STRIP2: variants seen among roughly 807,000 people sequenced by gnomAD.
The protein encoded by STRIP2 is striatin-interacting protein 2.
Under a neutral mutation model 107.1 loss-of-function variants are expected in STRIP2, and 84 were observed. The observed-to-expected ratio is 0.78, with a 90% CI of 0.66 to 0.94. STRIP2 has a LOEUF of 0.94. Ranked by LOEUF, STRIP2 falls within the 40% of genes least tolerant of loss-of-function variation. The probability of loss-of-function intolerance (pLI) is 0.00; values close to 1 mark genes in which losing one functional copy is unlikely to be tolerated. For missense variants in STRIP2, 888 were observed against 1,034.2 expected (o/e 0.86, Z 1.94); for synonymous variants, 394 against 400.4 (o/e 0.98, Z 0.19).
Position 129,483,454 on chromosome 7 carries a change from G to T in STRIP2, c.2254+408G>T, listed in dbSNP as rs1196881326. The T allele has an allele frequency of 6.4e-6, 3 of 471,844 alleles. No homozygotes were observed. The highest frequency in any genetic ancestry group is 8.6e-5 in the South Asian group (1 of 11,650). 29.2% of individuals were successfully genotyped at this position (471,844 alleles called of 1,614,324 possible). On this transcript the variant is annotated intron_variant, in intron 20 of 20. Transcript: ENST00000249344. This position sits in a 1 kb window ranked among gnomAD's most constrained non-coding sequence, Gnocchi z 5.1. Reference sequence around the variant, plus strand: ...GCCATATTTGTACTATGCAGAAATTGCCACCATTAACATCTTATTGTATAT... The same window carrying T: ...GCCATATTTGTACTATGCAGAAATTTCCACCATTAACATCTTATTGTATAT...
At chr7:129,455,175 A>C (rs1584947473) in intron 7 of STRIP2, 69 bp from the exon 8 acceptor site, 1 of 1,535,566 alleles carries the variant, frequency 6.5e-7, no homozygotes, top group African/African-American at 1.4e-5. Context: ...GTCCAGAATC[A>C]GGGTTACATG....
intron 13 of STRIP2, among the ~76,000 whole-genome samples, chr7:129,462,469 T>A (rs936259257): frequency 2.6e-5 from 4 of 152,148 alleles, no homozygotes; most frequent in Non-Finnish European, 5.9e-5. Context: ...CAGAGATAGT[T>A]GTATATGAGG....
intron 1 of STRIP2, 37 bp from the exon 2 acceptor site, chr7:129,439,985 A>G: frequency 1.3e-6 from 2 of 1,573,154 alleles, no homozygotes; most frequent in South Asian, 1.1e-5. Context: ...CCTTTTTCCA[A>G]GTTATCCCAG....
chr7:129,460,248 A>C, intron 12 of STRIP2, 53 bp from the exon 13 acceptor site: 4 of 1,490,600 alleles, frequency 2.7e-6, no homozygotes, highest in Non-Finnish European at 3.7e-6. Flanking sequence ...AGAGACTGGT[A>C]CACATGTGAA....
rs908403440 is a variant in STRIP2, at chr7:129,434,508, G to C, written c.36G>C (p.Pro12=). 5 of 1,517,724 alleles carry C rather than the reference G, an allele frequency of 3.3e-6. No homozygotes were observed. The highest frequency in any genetic ancestry group is 4.4e-6 in the Non-Finnish European group (5 of 1,140,030). The allele number at this position is 1,517,724 out of a possible 1,614,324, so 94.0% of individuals were successfully genotyped here. The change falls in exon 1 of 21, where the codon CCG becomes CCC. Residue 12 remains proline (P), a synonymous_variant. Coordinates refer to ENST00000249344, the MANE Select transcript of STRIP2 (RefSeq NM_020704.3). ...CCGCCGCGCCTGGGACCGGGGGCCC[G>C]CCCGCAAATGGCAATGGCAACGGCG... is the stretch of plus-strand genomic sequence containing the variant. The part of the protein sequence containing the change: ...EDPAAPGTGG[P]PANGNGNGGG...
In STRIP2 at chr7:129,444,192, C is replaced by T. The variant is rs1797975828; in HGVS notation, c.274+94C>T. On this transcript the variant is annotated intron_variant, in intron 3 of 20. Transcript: ENST00000249344. ...AAGACTAAAACAAAGTGCGATCCTT[C>T]ATCCCCTCTGTATTAGTTAGGGTTC... 3.6e-6 allele frequency: 3 copies of T among 842,498 alleles called. No homozygotes were observed. The South Asian group carries it at 4.7e-5, about 13-fold the overall frequency. The allele number at this position is 842,498 out of a possible 1,614,324, so 52.2% of individuals were successfully genotyped here.
intron 1 of STRIP2, among the ~76,000 whole-genome samples, chr7:129,437,463 A>G (rs1797772134): frequency 6.6e-6 from 1 of 151,974 alleles, no homozygotes; most frequent in African/African-American, 2.4e-5. Context: ...AAAGAGAATA[A>G]TAGAAAATAT....
chr7:129,458,438 C>T lies in STRIP2; in HGVS notation c.1262C>T (p.Ala421Val). The change falls in exon 10 of 21, where the codon GCC (alanine) becomes GTC (valine). Residue 421 changes from alanine to valine, a missense_variant. By Grantham distance (64) the Ala-to-Val change is moderately conservative (BLOSUM62 0). Transcript: ENST00000249344. This position sits in a 1 kb window ranked among gnomAD's most constrained non-coding sequence, Gnocchi z 4.6. ...RVAFPKGLPW[A>V]PKVRQKDIEH... ...GCTTTTCCCAAGGGCCTGCCCTGGG[C>T]CCCAAAGGTCAGGTAGGTTTGATAG... 6.3e-7 allele frequency: 1 copy of T among 1,593,852 alleles called. No individual in the cohort carries two copies. Among genetic ancestry groups the T allele is most frequent in the Non-Finnish European group, 8.5e-7 (1 of 1,170,748 alleles).
At chr7:129,441,429 C>G (rs2150987149) in intron 2 of STRIP2, among the ~76,000 whole-genome samples, 1 of 152,256 alleles carries the variant, frequency 6.6e-6, no homozygotes, top group East Asian at 1.9e-4. Flanking sequence ...TTATTGCAGC[C>G]TTGTTTATCA....
chr7:129,442,243 T>A (rs1584934581), intron 2 of STRIP2, among the ~76,000 whole-genome samples: 1 of 152,002 alleles, frequency 6.6e-6, no homozygotes, highest in African/African-American at 2.4e-5. Context: ...ATAATAATAA[T>A]AAATGCTAAA....
intron 13 of STRIP2, among the ~76,000 whole-genome samples, chr7:129,462,223 T>G (rs890799086): frequency 1.6e-4 from 24 of 152,166 alleles, no homozygotes; most frequent in African/African-American, 5.8e-4. Flanking sequence ...GAATGTCCAT[T>G]TAGGACTTAC....
intron 3 of STRIP2, among the ~76,000 whole-genome samples, chr7:129,444,645 A>T (rs1797986573): frequency 6.6e-6 from 1 of 152,134 alleles, no homozygotes; most frequent in South Asian, 2.1e-4. Context: ...TAACCATCGC[A>T]AGTCCACCCC....
intron 8 of STRIP2, 95 bp from the exon 9 acceptor site, chr7:129,456,344 G>A: frequency 9.2e-7 from 1 of 1,087,798 alleles, no homozygotes; most frequent in Non-Finnish European, 1.4e-6. Context: ...ACTGGAGGTT[G>A]TGGCCCTTTC....
At chr7:129,446,840 G>A (rs929185581) in intron 3 of STRIP2, among the ~76,000 whole-genome samples, 26 of 152,194 alleles carry the variant, frequency 1.7e-4, no homozygotes, top group East Asian at 1.9e-4. Flanking sequence ...TGCTGTGCAC[G>A]ACCCACTTTA....
Position 129,458,919 on chromosome 7 carries a change from T to G in STRIP2, c.1340+142T>G. On this transcript the variant is annotated intron_variant, in intron 11 of 20. Coordinates refer to ENST00000249344, the MANE Select transcript of STRIP2 (RefSeq NM_020704.3). This position sits in a 1 kb window ranked among gnomAD's most constrained non-coding sequence, Gnocchi z 4.6. ...GCCATGGACAACTCCCAGTGACTAC[T>G]TTGGGTTCTTTCTATGGATTTCTTT... 1.4e-6 allele frequency: 1 copy of G among 691,544 alleles called. No individual in the cohort carries two copies. The highest frequency in any genetic ancestry group is 2.5e-6 in the Non-Finnish European group (1 of 406,370). The allele number at this position is 691,544 out of a possible 1,614,324, so 42.8% of individuals were successfully genotyped here.
intron 1 of STRIP2, among the ~76,000 whole-genome samples, chr7:129,436,074 C>T (rs1010813118): frequency 1.3e-4 from 20 of 152,104 alleles, no homozygotes; most frequent in African/African-American, 4.8e-4. Context: ...TGAGTCTGGT[C>T]TTTTAGGGCA....
intron 8 of STRIP2, among the ~76,000 whole-genome samples, chr7:129,456,038 G>A (rs570967020): frequency 1.3e-5 from 2 of 152,130 alleles, no homozygotes; most frequent in South Asian, 4.2e-4. Flanking sequence ...CATCTCACAA[G>A]GCAGGCCTAA....
rs182409779 is a variant in STRIP2, at chr7:129,473,367, T to G, written c.1944+2652T>G. ...TAAACATTCTAGAGGACAATTTTTT[T>G]CTTTCTTTTTTGAAGACAGGGTCTT... is the stretch of plus-strand genomic sequence containing the variant. On this transcript the variant is annotated intron_variant, in intron 18 of 20. Transcript: ENST00000249344. 1.5e-3 allele frequency among the ~76,000 whole-genome samples: 226 copies of G among 152,348 alleles called. 2 individuals carry two copies. The highest frequency in any genetic ancestry group is 0.014 in the Admixed American group (221 of 15,312).
intron 19 of STRIP2, among the ~76,000 whole-genome samples, chr7:129,481,462 A>C (rs934107046): frequency 6.6e-6 from 1 of 152,078 alleles, no homozygotes; most frequent in Non-Finnish European, 1.5e-5. Context: ...ATGCCACTGC[A>C]CTCCAGCGTG....
Sources: gnomAD v4.1 joint callset for allele counts (sites outside exome capture counted in the v4.1 genomes callset) on GRCh38, gnomAD v4.1.1 for gene constraint, Gnocchi (gnomAD v3.1) non-coding constraint, MANE v1.5 for transcripts, NCBI Gene and HGNC (gene_info 2026-07-23, HGNC 2026-07-21) for gene names.